The following DPP10 variants were observed in gnomAD, a reference collection of about 807,000 sequenced individuals.
The protein encoded by DPP10 is dipeptidyl peptidase like 10.
In DPP10, 33 loss-of-function variants were observed where a neutral mutation model predicts 120.9. The observed-to-expected ratio is 0.27, with a 90% CI of 0.21 to 0.37. The LOEUF (loss-of-function observed/expected upper bound fraction) is 0.37, where lower values mean the gene tolerates loss of function less well. DPP10 is among the 10% of genes least tolerant of loss of function. The pLI, the probability that DPP10 is intolerant of heterozygous loss-of-function variation, is 1.00. For missense variants in DPP10, 816 were observed against 942.8 expected, an observed-to-expected ratio of 0.87 and a Z score of 1.76; for synonymous variants, 337 against 326.1, an observed-to-expected ratio of 1.03 and a Z score of -0.36.
chr2:115,176,805 C>T (rs2053721422), intron 1 of DPP10, among the ~76,000 whole-genome samples: 1 of 152,128 alleles, frequency 6.6e-6, no homozygotes, highest in Non-Finnish European at 1.5e-5. Flanking sequence ...AGGTAGGTGG[C>T]AGAACTGGGT....
intron 1 of DPP10, among the ~76,000 whole-genome samples, chr2:115,041,638 T>C (rs527908426): frequency 6.6e-6 from 1 of 152,328 alleles, no homozygotes; most frequent in East Asian, 1.9e-4. Context: ...TATTCTTCCC[T>C]TTTGTATCAC....
chr2:115,363,941 G>A (rs1234430822), intron 3 of DPP10, among the ~76,000 whole-genome samples: 1 of 152,114 alleles, frequency 6.6e-6, no homozygotes, highest in East Asian at 1.9e-4. Context: ...AGGAAATGGA[G>A]CAGAGAGAGC....
At chr2:114,827,819 GT>G (rs1686700626) in intron 1 of DPP10, among the ~76,000 whole-genome samples, 1 of 152,162 alleles carries the variant, frequency 6.6e-6, no homozygotes, top group Admixed American at 6.5e-5. Flanking sequence ...TTACTTCCTT[GT>G]GAGCCTTTCT....
intron 1 of DPP10, among the ~76,000 whole-genome samples, chr2:114,594,338 T>G (rs1279625542): frequency 2.0e-5 from 3 of 151,512 alleles, no homozygotes; most frequent in Admixed American, 6.6e-5. Context: ...CTTGTGATCA[T>G]GTAAGTTAAT....
At chr2:114,786,898 A>G (rs571341140) in intron 1 of DPP10, among the ~76,000 whole-genome samples, 1 of 152,138 alleles carries the variant, frequency 6.6e-6, no homozygotes, top group South Asian at 2.1e-4. Flanking sequence ...TTCTAATCAC[A>G]CAATTGGAAC....
At chr2:115,112,456 T>G (rs1388371831) in intron 1 of DPP10, among the ~76,000 whole-genome samples, 1 of 152,228 alleles carries the variant, frequency 6.6e-6, no homozygotes, top group Non-Finnish European at 1.5e-5. Flanking sequence ...ATATTTATCA[T>G]GTACAACAAG....
chr2:115,563,542 T>C (rs1299162902), intron 5 of DPP10, among the ~76,000 whole-genome samples: 2 of 152,166 alleles, frequency 1.3e-5, no homozygotes, highest in South Asian at 2.1e-4. Flanking sequence ...TTAGGTAATA[T>C]AGGGATTCAC....
At chr2:115,196,464 TAA>T (rs962187742) in intron 1 of DPP10, among the ~76,000 whole-genome samples, 5 of 152,224 alleles carry the variant, frequency 3.3e-5, no homozygotes, top group African/African-American at 9.6e-5. Context: ...AAAATTACTA[TAA>T]GACTATATTT....
chr2:114,753,417 G>C (rs1402313779), intron 1 of DPP10, among the ~76,000 whole-genome samples: 1 of 152,122 alleles, frequency 6.6e-6, no homozygotes. Context: ...ACAACATTGG[G>C]ATAATGTAAG....
intron 1 of DPP10, among the ~76,000 whole-genome samples, chr2:114,942,881 CTT>C (rs1697065802): frequency 6.6e-6 from 1 of 152,074 alleles, no homozygotes; most frequent in South Asian, 2.1e-4. Flanking sequence ...GTCTTTCACT[CTT>C]TGTAAAAATG....
intron 3 of DPP10, among the ~76,000 whole-genome samples, chr2:115,458,933 T>C (rs1263039806): frequency 1.3e-5 from 2 of 152,170 alleles, no homozygotes; most frequent in Non-Finnish European, 2.9e-5. Context: ...CAAGGAATAT[T>C]AACCTAATTA....
intron 1 of DPP10, among the ~76,000 whole-genome samples, chr2:114,914,223 C>T (rs1694602541): frequency 6.6e-6 from 1 of 152,120 alleles, no homozygotes; most frequent in Admixed American, 6.6e-5. Flanking sequence ...AAATGAGATG[C>T]TATACAATAT....
In DPP10 at chr2:114,847,053, C is replaced by CTATCA. The variant is rs143276942; in HGVS notation, c.60+404240_60+404244dup. On this transcript the variant is annotated intron_variant, in intron 1 of 25. Transcript: ENST00000410059. ...TCTAGATTCTTCTGAGGCAGTGGTG[C>CTATCA]TATCATATCATATCATATCATATCA... Among the ~76,000 whole-genome samples the CTATCA allele has an allele frequency of 2.1e-3, 318 of 152,044 alleles. 1 individual carries two copies. The highest frequency in any genetic ancestry group is 5.4e-3 in the South Asian group (26 of 4,826).
intron 1 of DPP10, among the ~76,000 whole-genome samples, chr2:114,647,946 G>T (rs1262821036): frequency 6.6e-6 from 1 of 151,936 alleles, no homozygotes; most frequent in African/African-American, 2.4e-5. Flanking sequence ...TGGCATTTCT[G>T]CATGTCCTTG....
At chr2:114,958,399 T>C (rs552662565) in intron 1 of DPP10, among the ~76,000 whole-genome samples, 29 of 152,264 alleles carry the variant, frequency 1.9e-4, no homozygotes, top group African/African-American at 6.3e-4. Context: ...TCAGGCCATA[T>C]TTAGCTCACT....
At chr2:115,295,023 C>A (rs2060822653) in intron 1 of DPP10, among the ~76,000 whole-genome samples, 1 of 151,928 alleles carries the variant, frequency 6.6e-6, no homozygotes, top group Admixed American at 6.6e-5. Context: ...TTTAAATTAC[C>A]CATAATCGAA....
chr2:114,945,172 T>C (rs572150949), intron 1 of DPP10, among the ~76,000 whole-genome samples: 1 of 152,330 alleles, frequency 6.6e-6, no homozygotes, highest in African/African-American at 2.4e-5. Context: ...TCTATGTAAA[T>C]TTGTGTTTGG....
At chr2:115,422,477 A>C (rs900143492) in intron 3 of DPP10, among the ~76,000 whole-genome samples, 1 of 152,186 alleles carries the variant, frequency 6.6e-6, no homozygotes, top group Non-Finnish European at 1.5e-5. Context: ...GCAAAAGACA[A>C]AATTATTTAC....
chr2:115,552,918 A>G (rs779741165), intron 5 of DPP10, among the ~76,000 whole-genome samples: 5 of 152,078 alleles, frequency 3.3e-5, no homozygotes, highest in Non-Finnish European at 7.4e-5. Flanking sequence ...CAATTTATGC[A>G]AAAGTTACAC....
Sources: allele counts gnomAD v4.1 joint callset (sites outside exome capture counted in the v4.1 genomes callset), GRCh38; gene constraint gnomAD v4.1.1; transcripts MANE v1.5; gene names NCBI Gene and HGNC (gene_info 2026-07-23, HGNC 2026-07-21).